FGD4: variants seen among roughly 807,000 people sequenced by gnomAD.
FGD4 encodes FYVE, RhoGEF and PH domain-containing protein 4.
A neutral mutation model predicts 102.0 loss-of-function variants in FGD4; 42 were observed. The ratio of observed to expected loss-of-function variants is 0.41; its 90% CI spans 0.32 to 0.53. FGD4 has a LOEUF of 0.53. Among genes scored for constraint, FGD4 ranks in the 20% least tolerant of loss-of-function variants. FGD4 has a pLI of 0.21. For synonymous variants in FGD4, 380 were observed against 375.7 expected (o/e 1.01, Z -0.13); for missense variants, 902 against 1,078.2 (o/e 0.84, Z 2.29).
chr12:32,604,135 T>G (rs1453407423), intron 7 of FGD4, among the ~76,000 whole-genome samples: 1 of 152,234 alleles, frequency 6.6e-6, no homozygotes, highest in Non-Finnish European at 1.5e-5. Context: ...CAAGATGTTC[T>G]CTGTTTTTTG....
In FGD4 at chr12:32,400,396, C is replaced by T. The variant is rs990195569; in HGVS notation, c.166+437C>T. On this transcript the variant is annotated intron_variant, in intron 1 of 16. Coordinates refer to ENST00000534526, the MANE Select transcript of FGD4 (RefSeq NM_001370298.3). ...TGACAACCTAGGTGTGGTGAGCAACCTTCTTAGTGCCTGGATTTTCTTAAA... is the reference window on the plus strand; with the variant it reads ...TGACAACCTAGGTGTGGTGAGCAACTTTCTTAGTGCCTGGATTTTCTTAAA... Among the ~76,000 whole-genome samples the T allele has an allele frequency of 3.9e-5, 6 of 152,166 alleles. No homozygotes were observed. The East Asian group carries it at 7.7e-4, about 20-fold the overall frequency.
At chr12:32,565,423 TAA>T (rs1555205003) in intron 2 of FGD4, among the ~76,000 whole-genome samples, 1 of 152,208 alleles carries the variant, frequency 6.6e-6, no homozygotes, top group Non-Finnish European at 1.5e-5. Context: ...GACGTGAATA[TAA>T]ACATAGGACT....
intron 1 of FGD4, among the ~76,000 whole-genome samples, chr12:32,430,745 A>G (rs1390953866): frequency 6.6e-6 from 1 of 152,226 alleles, no homozygotes; most frequent in East Asian, 1.9e-4. Context: ...ATCTTAGTAT[A>G]ATAAAAAATT....
At chr12:32,583,924 C>T (rs1482777552) in intron 4 of FGD4, among the ~76,000 whole-genome samples, 1 of 152,106 alleles carries the variant, frequency 6.6e-6, no homozygotes, top group African/African-American at 2.4e-5. Flanking sequence ...GATGATGCCT[C>T]CAACAAGTAT....
chr12:32,461,918 G>A (rs1369717175), intron 1 of FGD4, among the ~76,000 whole-genome samples: 1 of 151,952 alleles, frequency 6.6e-6, no homozygotes, highest in Non-Finnish European at 1.5e-5. Context: ...GTAGAGACGG[G>A]CTTTCACCAT....
chr12:32,542,541 A>G (rs1942925893), intron 1 of FGD4, among the ~76,000 whole-genome samples: 1 of 152,224 alleles, frequency 6.6e-6, no homozygotes, highest in African/African-American at 2.4e-5. Context: ...GGACCTGCAG[A>G]TAAATTTGTT....
rs993911420 is a variant in FGD4, at chr12:32,540,643, G to A, written c.167-23494G>A. The stretch of plus-strand genomic sequence containing the variant: ...TGTGATGGTGTGATCTCAGCTCACC[G>A]CAACCTCCACCTCCCAGGTTCAAGC... On this transcript the variant is annotated intron_variant, in intron 1 of 16. Transcript: ENST00000534526. Among the ~76,000 whole-genome samples, 6 of 149,172 alleles carry A rather than the reference G, an allele frequency of 4.0e-5. 1 individual carries two copies. Among genetic ancestry groups the A allele is most frequent in the South Asian group, 4.2e-4 (2 of 4,780 alleles).
chr12:32,522,510 T>C (rs1241995917), intron 1 of FGD4, among the ~76,000 whole-genome samples: 3 of 152,200 alleles, frequency 2.0e-5, no homozygotes, highest in Non-Finnish European at 4.4e-5. Context: ...TTCCTTCTTC[T>C]CTCTCAAGTT....
At chr12:32,548,889 G>C (rs1413081179) in intron 1 of FGD4, among the ~76,000 whole-genome samples, 1 of 152,218 alleles carries the variant, frequency 6.6e-6, no homozygotes, top group Non-Finnish European at 1.5e-5. Context: ...AGTCAGGGTC[G>C]TGAGGGCACC....
intron 12 of FGD4, 48 bp downstream of exon 12, chr12:32,624,500 G>C (rs1207386356): frequency 2.8e-6 from 4 of 1,442,096 alleles, no homozygotes; most frequent in Middle Eastern, 2.4e-4. Context: ...TTTTGAGGCA[G>C]AGTCTCACTC....
chr12:32,442,426 T>C (rs117543464), intron 1 of FGD4, among the ~76,000 whole-genome samples: 5,804 of 152,234 alleles, frequency 0.038, 172 homozygotes, highest in South Asian at 0.12. Context: ...TGTGAGTGCT[T>C]ACCTGACTTT....
chr12:32,429,745 T>C (rs1363959830), intron 1 of FGD4, among the ~76,000 whole-genome samples: 1 of 152,194 alleles, frequency 6.6e-6, no homozygotes, highest in Non-Finnish European at 1.5e-5. Flanking sequence ...AGAGAGGCAG[T>C]CTGGCTGCTG....
chr12:32,429,906 C>T (rs983184713), intron 1 of FGD4, among the ~76,000 whole-genome samples: 3 of 151,978 alleles, frequency 2.0e-5, no homozygotes, highest in African/African-American at 4.8e-5. Flanking sequence ...GTCTTTGTGA[C>T]CTGCATCTTG....
At chr12:32,624,629 T>C in intron 12 of FGD4, 177 bp downstream of exon 12, 1 of 695,266 alleles carries the variant, frequency 1.4e-6, no homozygotes, top group South Asian at 1.5e-5. Context: ...CACCACCATG[T>C]CTGGTTAATT....
At chr12:32,560,563 T>G (rs193147230) in intron 1 of FGD4, among the ~76,000 whole-genome samples, 5 of 152,344 alleles carry the variant, frequency 3.3e-5, no homozygotes, top group African/African-American at 1.2e-4. Flanking sequence ...TTTTATAATT[T>G]TAATAATAAT....
intron 1 of FGD4, among the ~76,000 whole-genome samples, chr12:32,430,474 G>T (rs531797317): frequency 1.3e-5 from 2 of 152,202 alleles, no homozygotes; most frequent in Admixed American, 1.3e-4. Flanking sequence ...CATTAGCAGG[G>T]TGACAGTTAC....
At chr12:32,498,047 G>T (rs776784603) in intron 1 of FGD4, among the ~76,000 whole-genome samples, 4 of 152,118 alleles carry the variant, frequency 2.6e-5, no homozygotes, top group Non-Finnish European at 5.9e-5. Flanking sequence ...CAGAGTAAAT[G>T]GCTTGCCTGT....
intron 1 of FGD4, among the ~76,000 whole-genome samples, chr12:32,408,839 A>G (rs751516398): frequency 6.6e-6 from 1 of 152,092 alleles, no homozygotes; most frequent in Admixed American, 6.5e-5. Context: ...GGTTCTGATG[A>G]CCTGAGATAT....
At chr12:32,568,007 G>A (rs1038598727) in intron 2 of FGD4, among the ~76,000 whole-genome samples, 6 of 152,238 alleles carry the variant, frequency 3.9e-5, no homozygotes, top group Admixed American at 3.9e-4. Context: ...AATTTTAAAA[G>A]GGGAAAGTAT....
Sources: gnomAD v4.1 joint callset for allele counts (sites outside exome capture counted in the v4.1 genomes callset) on GRCh38, gnomAD v4.1.1 for gene constraint, MANE v1.5 for transcripts, NCBI Gene and HGNC (gene_info 2026-07-23, HGNC 2026-07-21) for gene names.